The following USP14 variants were observed in gnomAD, a reference collection of about 807,000 sequenced individuals.
The protein encoded by USP14 is ubiquitin carboxyl-terminal hydrolase 14.
A neutral mutation model predicts 76.5 loss-of-function variants in USP14; 38 were observed. That is an observed-to-expected ratio of 0.50 (90% CI 0.38 to 0.65). The LOEUF (loss-of-function observed/expected upper bound fraction) is 0.65. USP14 is among the 30% of genes least tolerant of loss of function. The pLI, the probability that USP14 is intolerant of heterozygous loss-of-function variation, is 0.00. For missense variants in USP14, 467 were observed against 586.5 expected, an observed-to-expected ratio of 0.80 and a Z score of 2.10; for synonymous variants, 192 against 191.7, an observed-to-expected ratio of 1.00 and a Z score of -0.01.
At chr18:177,101 A>T (rs489577) in intron 3 of USP14, among the ~76,000 whole-genome samples, 93,177 of 151,698 alleles carry the variant, frequency 0.61, 28,807 homozygotes, top group South Asian at 0.69. Context: ...TGCTTTTTTT[A>T]AAAATATCCT....
At chr18:192,750 G>A in intron 5 of USP14, 92 bp from the exon 6 acceptor site, 2 of 1,153,238 alleles carry the variant, frequency 1.7e-6, no homozygotes, top group South Asian at 1.4e-5. Context: ...GCAGTTGAGG[G>A]TGTCATAAGA....
In USP14 at chr18:214,519, AT is replaced by A; in HGVS notation, c.*3237del. On this transcript the variant is annotated 3_prime_UTR_variant, in exon 16 of 16. Transcript: ENST00000261601. ...CAGAGCACCAGCCGACTGTACAACA[AT>A]TGTTATAAAAATGTTTATTGTTTAC... The A allele has an allele frequency of 1.1e-6, 1 of 886,404 alleles. No homozygotes were observed. The highest frequency in any genetic ancestry group is 1.7e-6 in the Non-Finnish European group (1 of 588,796). 54.9% of individuals were successfully genotyped at this position (886,404 alleles called of 1,614,324 possible). A position where few individuals can be genotyped will look rare whatever the true frequency, so the allele number is the denominator to read the frequency against.
intron 2 of USP14, among the ~76,000 whole-genome samples, chr18:165,846 TAAAAG>T (rs1909255561): frequency 6.6e-6 from 1 of 152,088 alleles, no homozygotes; most frequent in African/African-American, 2.4e-5. Flanking sequence ...TTAAAGCAGA[TAAAAG>T]AGATAATTAG....
intron 5 of USP14, among the ~76,000 whole-genome samples, chr18:184,206 G>C (rs556075267): frequency 2.9e-4 from 43 of 146,446 alleles, no homozygotes; most frequent in African/African-American, 1.0e-3. Context: ...TCTTTTTTTT[G>C]TACAGCAACC....
intron 5 of USP14, among the ~76,000 whole-genome samples, chr18:185,401 C>G (rs570382454): frequency 1.3e-5 from 2 of 152,016 alleles, no homozygotes; most frequent in African/African-American, 4.8e-5. Context: ...GTCATCTGCC[C>G]GCCTCAGCCT....
At chr18:173,128 A>G (rs1349796921) in intron 3 of USP14, among the ~76,000 whole-genome samples, 7 of 143,548 alleles carry the variant, frequency 4.9e-5, no homozygotes, top group Admixed American at 2.1e-4. Context: ...TTTTTCTTTG[A>G]GACGGAGTCT....
At chr18:174,632 C>G (rs113753392) in intron 3 of USP14, among the ~76,000 whole-genome samples, 1 of 139,698 alleles carries the variant, frequency 7.2e-6, no homozygotes, top group East Asian at 2.2e-4. Flanking sequence ...TTTTTAAAGA[C>G]GAGGTCTTGC....
At chr18:176,728 T>G (rs1432621224) in intron 3 of USP14, among the ~76,000 whole-genome samples, 1 of 152,108 alleles carries the variant, frequency 6.6e-6, no homozygotes, top group East Asian at 1.9e-4. Flanking sequence ...ATGCATGAGT[T>G]TTTTGATTCA....
rs536314401 is a variant in USP14, at chr18:195,198, A to G, written c.464-1439A>G. On this transcript the variant is annotated intron_variant, in intron 6 of 15. Transcript: ENST00000261601. Reference sequence around the variant, plus strand: ...GTTGATGGTATATACTAGATCTTAAATCATCTGTTTTTTTGAGTAGTGTAT... The same window carrying G: ...GTTGATGGTATATACTAGATCTTAAGTCATCTGTTTTTTTGAGTAGTGTAT... Among the ~76,000 whole-genome samples the G allele has an allele frequency of 2.0e-5, 3 of 152,226 alleles. No homozygotes were observed. In the South Asian group the frequency reaches 6.2e-4, roughly 32 times the overall value.
Position 198,064 on chromosome 18 carries a change from A to G in USP14, c.693A>G (p.Ala231=), listed in dbSNP as rs1046951555. The stretch of plus-strand genomic sequence containing the variant: ...TTTTGCAGACAGACTCCTCATCTGC[A>G]TCGGCAGCGACACCTTCTAAAAAGA... ...DSVKETDSSS[A]SAATPSKKKS... Residue 231 remains alanine, a synonymous_variant, in exon 9 of 16, where the codon GCA becomes GCG. Transcript: ENST00000261601. 1.1e-5 allele frequency: 17 copies of G among 1,610,170 alleles called. No homozygotes were observed. The highest frequency in any genetic ancestry group is 2.7e-5 in the African/African-American group (2 of 74,880).
At position 211,238 on chromosome 18, in the gene USP14, A is replaced by G. The variant is rs1167545631; in HGVS notation, c.1439A>G (p.Tyr480Cys). The G allele has an allele frequency of 6.2e-6, 10 of 1,613,792 alleles. No individual in the cohort carries two copies. Among genetic ancestry groups the G allele is most frequent in the African/African-American group, 2.7e-5 (2 of 75,030 alleles). ...TGGCATATCGCTTACGTTCTACTCT[A>G]TGGGCCTCGCAGAGTTGAAATAATG... is the stretch of plus-strand genomic sequence containing the variant. Reference protein sequence around the residue: ...GDWHIAYVLLYGPRRVEIMEE... With the variant: ...GDWHIAYVLLCGPRRVEIMEE... Residue 480 changes from tyrosine to cysteine, a missense_variant, in exon 16 of 16, where the codon TAT becomes TGT. Tyr to Cys is a radical substitution (Grantham distance 194). Coordinates refer to ENST00000261601, the MANE Select transcript of USP14 (RefSeq NM_005151.4).
At chr18:209,841 T>C (rs1910623548) in intron 13 of USP14, 130 bp from the exon 14 acceptor site, 2 of 622,378 alleles carry the variant, frequency 3.2e-6, no homozygotes, top group South Asian at 4.8e-5. Flanking sequence ...TTTTAGTAAT[T>C]TGGAAGGTAG....
At chr18:158,774 G>T (rs1909026468) in intron 1 of USP14, 60 bp downstream of exon 1, 2 of 1,373,342 alleles carry the variant, frequency 1.5e-6, no homozygotes, top group Non-Finnish European at 1.9e-6. Context: ...CTCCGCGTAG[G>T]CCTGGCCTGC....
intron 3 of USP14, among the ~76,000 whole-genome samples, chr18:167,306 A>G (rs1454167970): frequency 2.0e-5 from 3 of 152,206 alleles, no homozygotes; most frequent in Non-Finnish European, 2.9e-5. Context: ...GAAATAAGAT[A>G]GTATATGTTC....
intron 3 of USP14, among the ~76,000 whole-genome samples, chr18:173,976 A>C (rs1046886129): frequency 6.6e-6 from 1 of 152,146 alleles, no homozygotes; most frequent in African/African-American, 2.4e-5. Flanking sequence ...CAGGCCTTGA[A>C]ATCAGGTCGT....
intron 3 of USP14, among the ~76,000 whole-genome samples, chr18:175,715 T>C (rs1325992956): frequency 6.6e-6 from 1 of 152,142 alleles, no homozygotes; most frequent in Non-Finnish European, 1.5e-5. Context: ...ATGTTAGTCT[T>C]ATACAGTGAG....
intron 5 of USP14, 116 bp from the exon 6 acceptor site, chr18:192,726 A>G (rs1567832880): frequency 2.3e-6 from 2 of 854,372 alleles, no homozygotes; most frequent in Non-Finnish European, 3.7e-6. Flanking sequence ...GGTGGGAACA[A>G]CTCTGAGAAA....
chr18:177,592 C>G (rs947322906), intron 3 of USP14, among the ~76,000 whole-genome samples: 17 of 150,214 alleles, frequency 1.1e-4, no homozygotes, highest in African/African-American at 4.2e-4. Flanking sequence ...TAATCATCAT[C>G]TGGATATTTT....
intron 2 of USP14, among the ~76,000 whole-genome samples, chr18:165,022 A>C (rs490425): frequency 0.62 from 93,476 of 151,712 alleles, 28,962 homozygotes; most frequent in South Asian, 0.69. Flanking sequence ...CATCTCGGCT[A>C]ACTGCAACCA....
Sources: allele counts gnomAD v4.1 joint callset (sites outside exome capture counted in the v4.1 genomes callset), GRCh38; gene constraint gnomAD v4.1.1; transcripts MANE v1.5; gene names NCBI Gene and HGNC (gene_info 2026-07-23, HGNC 2026-07-21).